Variants in PCLO observed in about 807,000 individuals in gnomAD.
PCLO encodes piccolo presynaptic cytomatrix protein, also known as protein piccolo.
Under a neutral mutation model 427.5 loss-of-function variants are expected in PCLO, and 82 were observed. The observed-to-expected ratio is 0.19, with a 90% CI of 0.16 to 0.23. The LOEUF (loss-of-function observed/expected upper bound fraction) is 0.23, where lower values mean the gene tolerates loss of function less well. Ranked by LOEUF, PCLO falls within the 10% of genes least tolerant of loss-of-function variation. The pLI, the probability that PCLO is intolerant of heterozygous loss-of-function variation, is 1.00. For synonymous variants in PCLO, 2,357 were observed against 2,155.4 expected (o/e 1.09, Z -2.59); for missense variants, 6,239 against 6,115.9 (o/e 1.02, Z -0.67).
intron 20 of PCLO, among the ~76,000 whole-genome samples, chr7:82,818,547 G>A (rs1584007202): frequency 6.6e-6 from 1 of 152,124 alleles, no homozygotes; most frequent in African/African-American, 2.4e-5. Context: ...ACCTCTAATC[G>A]TTTGTAAGAA....
chr7:82,828,852 C>T (rs1792017881), intron 16 of PCLO, among the ~76,000 whole-genome samples: 1 of 152,112 alleles, frequency 6.6e-6, no homozygotes, highest in Non-Finnish European at 1.5e-5. Context: ...AAGCTTATGT[C>T]TCACGTTCTA....
intron 2 of PCLO, among the ~76,000 whole-genome samples, chr7:83,140,189 T>C (rs1486485677): frequency 6.6e-6 from 1 of 152,098 alleles, no homozygotes; most frequent in Non-Finnish European, 1.5e-5. Flanking sequence ...CACATTCCGA[T>C]TTATTCTGAA....
intron 3 of PCLO, among the ~76,000 whole-genome samples, chr7:83,072,656 C>T (rs1764647051): frequency 1.3e-5 from 2 of 152,014 alleles, no homozygotes; most frequent in Admixed American, 1.3e-4. Context: ...AAGATTTGTA[C>T]CAGTTTCGTT....
chr7:83,059,358 AT>A (rs1206661267), intron 3 of PCLO, among the ~76,000 whole-genome samples: 1 of 31,916 alleles, frequency 3.1e-5, no homozygotes. Context: ...CACCTTTAAA[AT>A]ATATATATAT....
At chr7:83,161,911 T>G (rs1357199258) in intron 1 of PCLO, among the ~76,000 whole-genome samples, 1 of 152,146 alleles carries the variant, frequency 6.6e-6, no homozygotes, top group Non-Finnish European at 1.5e-5. Flanking sequence ...TACAGAAATA[T>G]TTAGACATCA....
intron 20 of PCLO, among the ~76,000 whole-genome samples, chr7:82,818,054 A>T (rs1385094318): frequency 1.3e-5 from 2 of 151,746 alleles, no homozygotes; most frequent in Admixed American, 6.6e-5. Flanking sequence ...TTGAAATGGC[A>T]AGGTTTGTGT....
At position 82,956,935 on chromosome 7, in the gene PCLO, C is replaced by T; in HGVS notation, c.4018G>A (p.Glu1340Lys). 1 of 1,588,026 alleles carries T rather than the reference C, an allele frequency of 6.3e-7. No homozygotes were observed. The highest frequency in any genetic ancestry group is 8.6e-7 in the Non-Finnish European group (1 of 1,168,076). Reference protein sequence around the residue: ...DQVEPGKEKTEKEDDKSDTSS... With the variant: ...DQVEPGKEKTKKEDDKSDTSS... The stretch of plus-strand genomic sequence containing the variant: ...GTGTCTGATTTGTCATCTTCCTTTT[C>T]CTAAGCAGGGAGATAAAGATACAGG... Residue 1340 changes from glutamate (E) to lysine (K), a missense_variant and splice_region_variant, in exon 5 of 25, where the codon GAA becomes AAA. Glu to Lys is a moderately conservative substitution (Grantham distance 56). Around this residue, in one of 5 missense-constraint regions of PCLO, gnomAD observed 4,677 missense variants for 4,468.4 expected, o/e 1.05. Coordinates refer to ENST00000333891, the MANE Select transcript of PCLO (RefSeq NM_033026.6).
chr7:83,019,892 G>C (rs924668817), intron 3 of PCLO, among the ~76,000 whole-genome samples: 1 of 152,080 alleles, frequency 6.6e-6, no homozygotes, highest in East Asian at 1.9e-4. Context: ...TATTTCAAAA[G>C]AGGCAGAGGA....
intron 9 of PCLO, among the ~76,000 whole-genome samples, chr7:82,898,032 T>C (rs1463153542): frequency 6.6e-6 from 1 of 151,520 alleles, no homozygotes; most frequent in African/African-American, 2.4e-5. Flanking sequence ...AATAATACTT[T>C]ATTAAAAATA....
intron 3 of PCLO, among the ~76,000 whole-genome samples, chr7:83,020,657 C>T (rs1372305480): frequency 6.6e-6 from 1 of 152,124 alleles, no homozygotes; most frequent in African/African-American, 2.4e-5. Flanking sequence ...TAAGAATAAA[C>T]TTCTGTTGTT....
In PCLO at chr7:82,838,734, T is replaced by G. The variant is rs147900026; in HGVS notation, c.14098-392A>C. ...AAATTAACTAATTGGTAAATTATTA[T>G]AAAGTATTATTTGCATTTTGCCAAA... On this transcript the variant is annotated intron_variant, in intron 14 of 24. Transcript: ENST00000333891. Among the ~76,000 whole-genome samples the G allele has an allele frequency of 4.9e-3, 742 of 152,128 alleles. 3 individuals carry two copies. The highest frequency in any genetic ancestry group is 0.016 in the South Asian group (79 of 4,828).
intron 20 of PCLO, among the ~76,000 whole-genome samples, chr7:82,808,079 A>G (rs1297519552): frequency 6.6e-6 from 1 of 151,970 alleles, no homozygotes; most frequent in African/African-American, 2.4e-5. Context: ...AATGAGTCAG[A>G]TTAGTCAATT....
intron 6 of PCLO, among the ~76,000 whole-genome samples, chr7:82,929,273 A>C (rs1794787262): frequency 1.3e-5 from 2 of 152,190 alleles, no homozygotes; most frequent in Non-Finnish European, 2.9e-5. Context: ...TTGCATATAA[A>C]ATATCTTATT....
chr7:82,947,689 G>C (rs1488907169), intron 6 of PCLO, among the ~76,000 whole-genome samples: 1 of 152,088 alleles, frequency 6.6e-6, no homozygotes, highest in Non-Finnish European at 1.5e-5. Flanking sequence ...AATGAATTGT[G>C]CTTTGAGGCT....
Position 82,845,283 on chromosome 7 carries a change from G to A in PCLO, c.14034C>T (p.His4678=), listed in dbSNP as rs371127653. The change falls in exon 13 of 25, where the codon CAC becomes CAT. Residue 4678 remains histidine, a synonymous_variant. Transcript: ENST00000333891. ...CAACAATCCTCACCTTGCTGCTGCCGTGCTTCTTTTTGCTCACTGAGGGGG... is the reference window on the plus strand; with the variant it reads ...CAACAATCCTCACCTTGCTGCTGCCATGCTTCTTTTTGCTCACTGAGGGGG... ...PGSPSVSKKK[H]GSSKPTDGTK... 5.1e-5 allele frequency: 82 copies of A among 1,612,876 alleles called. No homozygotes were observed. The highest frequency in any genetic ancestry group is 6.6e-5 in the Non-Finnish European group (78 of 1,179,296).
chr7:82,799,607 T>C (rs1400650164), intron 22 of PCLO, among the ~76,000 whole-genome samples: 4 of 152,156 alleles, frequency 2.6e-5, no homozygotes, highest in Non-Finnish European at 5.9e-5. Flanking sequence ...TCAGAGTAGC[T>C]GCCCTGTACA....
intron 9 of PCLO, among the ~76,000 whole-genome samples, chr7:82,891,049 C>T (rs1793752222): frequency 1.3e-5 from 2 of 151,974 alleles, no homozygotes; most frequent in South Asian, 2.1e-4. Flanking sequence ...AAATGTAATA[C>T]ATTTAATTCA....
At chr7:82,781,929 C>T (rs556834861) in intron 22 of PCLO, among the ~76,000 whole-genome samples, 36 of 152,274 alleles carry the variant, frequency 2.4e-4, no homozygotes, top group African/African-American at 7.9e-4. Context: ...CTCGCCCCTT[C>T]CCCCATACCT....
intron 3 of PCLO, among the ~76,000 whole-genome samples, chr7:82,997,425 GA>G (rs1387061322): frequency 1.3e-5 from 2 of 151,782 alleles, no homozygotes; most frequent in Admixed American, 6.6e-5. Flanking sequence ...GAAAAAAATG[GA>G]AAAAAATTAC....
Sources: allele counts gnomAD v4.1 joint callset (sites outside exome capture counted in the v4.1 genomes callset), GRCh38; gene constraint gnomAD v4.1.1; regional missense constraint gnomAD v4.1.1; transcripts MANE v1.5; gene names NCBI Gene and HGNC (gene_info 2026-07-23, HGNC 2026-07-21).